The following PSMD14 variants were observed in gnomAD, a reference collection of about 807,000 sequenced individuals.
PSMD14 encodes the protein proteasome 26S subunit, non-ATPase 14, also known as ubiquitin C-terminal hydrolase PSMD14.
Under a neutral mutation model 41.2 loss-of-function variants are expected in PSMD14, and 7 were observed. The ratio of observed to expected loss-of-function variants is 0.17; its 90% CI spans 0.10 to 0.32. PSMD14 has a LOEUF of 0.32. PSMD14 is among the 10% of genes least tolerant of loss of function. PSMD14 has a pLI of 1.00. For synonymous variants in PSMD14, 114 were observed against 122.3 expected (o/e 0.93, Z 0.45); for missense variants, 139 against 375.6 (o/e 0.37, Z 5.21).
At chr2:161,326,921 A>G (rs1682708133) in intron 3 of PSMD14, among the ~76,000 whole-genome samples, 1 of 152,022 alleles carries the variant, frequency 6.6e-6, no homozygotes, top group Non-Finnish European at 1.5e-5. Flanking sequence ...TTGTATTGTT[A>G]TTTTTTATTG....
Position 161,323,293 on chromosome 2 carries a change from G to C in PSMD14, c.48+4420G>C, listed in dbSNP as rs576422165. On this transcript the variant is annotated intron_variant, in intron 3 of 11. Transcript: ENST00000409682. ...CTTTTCCATTAGTTTTTATCATGCT[G>C]TCTTTTCCTGTTTCTCATTACGGTG... Among the ~76,000 whole-genome samples the C allele has an allele frequency of 1.2e-4, 19 of 152,136 alleles. No homozygotes were observed. The South Asian group carries it at 3.5e-3, about 28-fold the overall frequency.
intron 3 of PSMD14, chr2:161,340,786 C>T (rs901582533): frequency 1.2e-4 from 195 of 1,613,206 alleles, no homozygotes; most frequent in Non-Finnish European, 1.6e-4. Context: ...AAGGAAAAGC[C>T]TTTAGGAGGA....
intron 7 of PSMD14, among the ~76,000 whole-genome samples, chr2:161,378,077 A>T (rs1683525168): frequency 6.6e-6 from 1 of 151,896 alleles, no homozygotes; most frequent in Non-Finnish European, 1.5e-5. Flanking sequence ...ATATTTCTGG[A>T]CCTGGGACTT....
At position 161,385,444 on chromosome 2, in the gene PSMD14, T is replaced by A; in HGVS notation, c.463-20T>A. On this transcript the variant is annotated intron_variant, in intron 7 of 11. Transcript: ENST00000409682. ...ACTTGCTTTTTAAAAAAAAATTGAC[T>A]TGACACCTTGTTTTTACAGGTTGTT... is the stretch of plus-strand genomic sequence containing the variant. The A allele has an allele frequency of 6.6e-7, 1 of 1,524,170 alleles. No individual in the cohort carries two copies. Among genetic ancestry groups the A allele is most frequent in the Non-Finnish European group, 9.0e-7 (1 of 1,109,802 alleles). The allele number at this position is 1,524,170 out of a possible 1,614,324, so 94.4% of individuals were successfully genotyped here.
At chr2:161,399,686 C>A (rs1369718021) in intron 10 of PSMD14, among the ~76,000 whole-genome samples, 1 of 151,518 alleles carries the variant, frequency 6.6e-6, no homozygotes, top group East Asian at 1.9e-4. Flanking sequence ...CTTTTTAAGT[C>A]GTCAAAAAAA....
At chr2:161,379,450 T>C (rs1683546178) in intron 7 of PSMD14, among the ~76,000 whole-genome samples, 1 of 152,068 alleles carries the variant, frequency 6.6e-6, no homozygotes, top group Admixed American at 6.6e-5. Context: ...CACTTTCTTA[T>C]TGTAATTAGG....
At chr2:161,319,088 T>C (rs1183762170) in intron 3 of PSMD14, 4 of 394,588 alleles carry the variant, frequency 1.0e-5, no homozygotes, top group Non-Finnish European at 1.8e-5. Context: ...AATAAGAATT[T>C]TCTGTTATTT....
At chr2:161,329,633 T>A (rs903649222) in intron 3 of PSMD14, among the ~76,000 whole-genome samples, 2 of 152,176 alleles carry the variant, frequency 1.3e-5, no homozygotes, top group Non-Finnish European at 2.9e-5. Flanking sequence ...TTGTTTTATT[T>A]CTTAGCTTAA....
At chr2:161,407,534 C>A (rs1376561694) in intron 10 of PSMD14, 1 of 152,094 alleles carries the variant, frequency 6.6e-6, no homozygotes, top group East Asian at 1.9e-4. Context: ...TAAAATTAGA[C>A]ACTTGCCATC....
At chr2:161,398,030 C>T (rs989522187) in intron 10 of PSMD14, among the ~76,000 whole-genome samples, 2 of 152,162 alleles carry the variant, frequency 1.3e-5, no homozygotes, top group Middle Eastern at 3.2e-3. Context: ...ATTGGTACTA[C>T]TGCCAGGAAA....
At chr2:161,383,830 A>G (rs1184176528) in intron 7 of PSMD14, 7 of 151,632 alleles carry the variant, frequency 4.6e-5, no homozygotes, top group African/African-American at 7.2e-5. Context: ...TCCTTTGCCA[A>G]CATTTTAACT....
chr2:161,340,873 G>C (rs1450474877), intron 3 of PSMD14: 1 of 1,613,744 alleles, frequency 6.2e-7, no homozygotes, highest in East Asian at 2.2e-5. Context: ...TTCTCGTACT[G>C]GTTTCCCCTC....
At chr2:161,351,014 T>A (rs1201768758) in intron 3 of PSMD14, among the ~76,000 whole-genome samples, 1 of 152,220 alleles carries the variant, frequency 6.6e-6, no homozygotes, top group Non-Finnish European at 1.5e-5. Context: ...CCTTAGTAAA[T>A]CTTCCCACCA....
chr2:161,389,360 C>G (rs2194727), intron 8 of PSMD14, among the ~76,000 whole-genome samples: 10,061 of 152,272 alleles, frequency 0.066, 453 homozygotes, highest in East Asian at 0.15. Flanking sequence ...GCACCTTTTT[C>G]TAATTCTCTA....
At chr2:161,339,057 G>A (rs1416733369) in intron 3 of PSMD14, among the ~76,000 whole-genome samples, 2 of 152,192 alleles carry the variant, frequency 1.3e-5, no homozygotes, top group African/African-American at 4.8e-5. Flanking sequence ...TGGATAATTT[G>A]GTGTGTTTTG....
intron 11 of PSMD14, chr2:161,409,742 G>A (rs1163317828): frequency 1.3e-5 from 2 of 151,958 alleles, no homozygotes; most frequent in African/African-American, 4.8e-5. Flanking sequence ...GAGCAGTAGG[G>A]GCAAAGGTCT....
At chr2:161,372,198 T>G (rs1486144368) in intron 7 of PSMD14, among the ~76,000 whole-genome samples, 2 of 152,128 alleles carry the variant, frequency 1.3e-5, no homozygotes, top group Non-Finnish European at 2.9e-5. Context: ...TGTTTGAGCA[T>G]GTACTTCCAT....
intron 1 of PSMD14, among the ~76,000 whole-genome samples, chr2:161,309,843 T>C (rs1362313594): frequency 6.6e-6 from 1 of 152,134 alleles, no homozygotes; most frequent in East Asian, 1.9e-4. Context: ...CCTAAAGTGC[T>C]TGGTAAATAA....
intron 7 of PSMD14, among the ~76,000 whole-genome samples, chr2:161,372,339 G>C (rs959093167): frequency 6.6e-6 from 1 of 152,038 alleles, no homozygotes; most frequent in African/African-American, 2.4e-5. Flanking sequence ...CCTGGAGTTT[G>C]ATAGTAGTGC....
Sources: allele counts gnomAD v4.1 joint callset (sites outside exome capture counted in the v4.1 genomes callset), GRCh38; gene constraint gnomAD v4.1.1; transcripts MANE v1.5; gene names NCBI Gene and HGNC (gene_info 2026-07-23, HGNC 2026-07-21).